The following USH2A variants were observed in gnomAD, a reference collection of about 807,000 sequenced individuals.
USH2A encodes Usher syndrome 2A (autosomal recessive, mild).
A neutral mutation model predicts 538.9 loss-of-function variants in USH2A; 443 were observed. The observed-to-expected ratio is 0.82, with a 90% CI of 0.76 to 0.89. The LOEUF (loss-of-function observed/expected upper bound fraction) is 0.89, where lower values mean the gene tolerates loss of function less well. USH2A is among the 40% of genes least tolerant of loss of function. The pLI is 0.00. For synonymous variants in USH2A, 2,413 were observed against 2,273.5 expected (o/e 1.06, Z -1.75); for missense variants, 6,633 against 6,324.8 (o/e 1.05, Z -1.65).
At chr1:216,333,538 T>A (rs2037910090) in intron 4 of USH2A, among the ~76,000 whole-genome samples, 1 of 152,064 alleles carries the variant, frequency 6.6e-6, no homozygotes, top group Admixed American at 6.6e-5. Flanking sequence ...ACTGAAAGAA[T>A]ATTTAGAGAA....
rs79658342 is a variant in USH2A at position 215,685,806 on chromosome 1, C to G, written c.12067-5430G>C. Among the ~76,000 whole-genome samples, 766 of 152,292 alleles carry G rather than the reference C, an allele frequency of 5.0e-3. 8 individuals carry two copies. The highest frequency in any genetic ancestry group is 0.018 in the African/African-American group (729 of 41,580). The stretch of plus-strand genomic sequence containing the variant: ...AACATTGTCAGAACATTTTCACCAA[C>G]TTCACCTGCACACTTCCTTTACCAG... On this transcript the variant is annotated intron_variant, in intron 61 of 71. Coordinates refer to ENST00000307340, the MANE Select transcript of USH2A (RefSeq NM_206933.4).
chr1:216,033,859 A>T (rs907316103), intron 32 of USH2A, among the ~76,000 whole-genome samples: 13 of 152,156 alleles, frequency 8.5e-5, no homozygotes, highest in Admixed American at 5.2e-4. Context: ...ACAGCAAAAA[A>T]GTTTGGATGT....
intron 21 of USH2A, among the ~76,000 whole-genome samples, chr1:216,098,856 T>A (rs2032510619): frequency 6.6e-6 from 1 of 152,178 alleles, no homozygotes; most frequent in Non-Finnish European, 1.5e-5. Context: ...CAGCTTGTTT[T>A]TAGAGAATAT....
chr1:215,878,646 G>A, intron 42 of USH2A, 118 bp downstream of exon 42: 1 of 957,824 alleles, frequency 1.0e-6, no homozygotes, highest in Middle Eastern at 3.1e-4. Flanking sequence ...TGAGTCAGGG[G>A]ATATTCAATG....
At chr1:216,290,092 A>C (rs749165443) in intron 10 of USH2A, among the ~76,000 whole-genome samples, 1 of 152,168 alleles carries the variant, frequency 6.6e-6, no homozygotes. Context: ...GTAATAAAAA[A>C]CCTAAACTAC....
chr1:215,728,202 G>A lies in USH2A; in HGVS notation c.11894C>T (p.Pro3965Leu), dbSNP rs141866275. Residue 3965 changes from proline to leucine, a missense_variant, in exon 61 of 72, where the codon CCT becomes CTT. Pro to Leu is a moderately conservative substitution (Grantham distance 98). Transcript: ENST00000307340. ...AGCCCAAGGAGCTGGAAAATCTTGA[G>A]GTGGAGCTTCCAGAGTTTGTGTTAA... is the stretch of plus-strand genomic sequence containing the variant. ...WSLTQTLEAP[P>L]QDFPAPWAQA... 1.9e-6 allele frequency: 3 copies of A among 1,614,160 alleles called. No homozygotes were observed. The African/African-American group carries it at 4.0e-5, about 22-fold the overall frequency.
At chr1:215,803,805 A>T (rs1367865488) in intron 49 of USH2A, among the ~76,000 whole-genome samples, 1 of 152,188 alleles carries the variant, frequency 6.6e-6, no homozygotes, top group Non-Finnish European at 1.5e-5. Flanking sequence ...TATGGACCCA[A>T]AAAAGAGCCC....
rs1312393086 is a variant in USH2A at position 215,867,042 on chromosome 1, T to C, written c.8810A>G (p.Asn2937Ser). 6.2e-7 allele frequency: 1 copy of C among 1,614,044 alleles called. No homozygotes were observed. The highest frequency in any genetic ancestry group is 1.7e-5 in the Admixed American group (1 of 59,998). ...CCACCTCACGTCGATGGCTGTGTGGTTAAGGACACTCGCAGTGAGATTGGC... is the reference window on the plus strand; with the variant it reads ...CCACCTCACGTCGATGGCTGTGTGGCTAAGGACACTCGCAGTGAGATTGGC... The part of the protein sequence containing the change: ...RGANLTASVL[N>S]HTAIDVRWAK... Residue 2937 changes from asparagine (N) to serine (S), a missense_variant, in exon 44 of 72, where the codon AAC (asparagine) becomes AGC (serine). Asn to Ser is a conservative substitution (Grantham distance 46, BLOSUM62 1). Coordinates refer to ENST00000307340, the MANE Select transcript of USH2A (RefSeq NM_206933.4).
chr1:215,746,857 T>C (rs1450988196), intron 58 of USH2A, among the ~76,000 whole-genome samples: 1 of 152,154 alleles, frequency 6.6e-6, no homozygotes, highest in Non-Finnish European at 1.5e-5. Flanking sequence ...TTTTGGAGTA[T>C]CACTTTGATA....
intron 63 of USH2A, 85 bp downstream of exon 63, chr1:215,674,015 G>A: frequency 1.9e-6 from 3 of 1,611,540 alleles, no homozygotes; most frequent in Non-Finnish European, 2.5e-6. Flanking sequence ...CATTTTTAGA[G>A]TCTTCATTAG....
At chr1:216,001,183 CTG>C (rs1668258058) in intron 32 of USH2A, among the ~76,000 whole-genome samples, 2 of 152,268 alleles carry the variant, frequency 1.3e-5, no homozygotes, top group South Asian at 4.1e-4. Flanking sequence ...CTTAAAAACA[CTG>C]TGTCATGACT....
At chr1:215,924,367 G>T (rs1166601140) in intron 38 of USH2A, among the ~76,000 whole-genome samples, 1 of 152,028 alleles carries the variant, frequency 6.6e-6, no homozygotes, top group East Asian at 1.9e-4. Context: ...AAAGAGGTTG[G>T]AAATATGGTC....
intron 4 of USH2A, among the ~76,000 whole-genome samples, chr1:216,344,053 A>AT (rs2038128550): frequency 6.6e-6 from 1 of 152,174 alleles, no homozygotes; most frequent in Admixed American, 6.6e-5. Context: ...GTGAGAAAGA[A>AT]TTTTTTAAGA....
At chr1:216,317,810 G>A (rs1416391721) in intron 9 of USH2A, among the ~76,000 whole-genome samples, 1 of 152,058 alleles carries the variant, frequency 6.6e-6, no homozygotes, top group Non-Finnish European at 1.5e-5. Context: ...CCAAGATCAT[G>A]CCACTGCACT....
chr1:215,716,602 C>T (rs895937317), intron 61 of USH2A, among the ~76,000 whole-genome samples: 4 of 152,094 alleles, frequency 2.6e-5, no homozygotes, highest in African/African-American at 9.7e-5. Context: ...CATGTACATC[C>T]GTTAAAAATA....
At chr1:215,936,486 T>C (rs1219648365) in intron 37 of USH2A, among the ~76,000 whole-genome samples, 2 of 152,098 alleles carry the variant, frequency 1.3e-5, no homozygotes, top group East Asian at 3.9e-4. Context: ...GTCTGGTTCT[T>C]CATCTGTGAA....
Position 215,877,740 on chromosome 1 carries a change from T to C in USH2A, c.8681+18A>G, listed in dbSNP as rs41277198. The C allele has an allele frequency of 0.018, 29,129 of 1,613,270 alleles. 332 individuals are homozygous for C. Among genetic ancestry groups the C allele is most frequent in the Non-Finnish European group, 0.021 (24,824 of 1,179,376 alleles). On this transcript the variant is annotated intron_variant, in intron 43 of 71. Transcript: ENST00000307340. ...AACTAAATGCCAGCATTTGTTTTTATAGTTTTTGTAATCTCACCTGCTAAG... is the reference window on the plus strand; with the variant it reads ...AACTAAATGCCAGCATTTGTTTTTACAGTTTTTGTAATCTCACCTGCTAAG...
At position 215,849,805 on chromosome 1, in the gene USH2A, C is replaced by A. The variant is rs193045610; in HGVS notation, c.8846-3772G>T. 7.9e-5 allele frequency among the ~76,000 whole-genome samples: 12 copies of A among 152,214 alleles called. No individual in the cohort carries two copies. The East Asian group carries it at 2.3e-3, about 29-fold the overall frequency. Reference sequence around the variant, plus strand: ...ATGTTGAAAGACAATGGAACAATTTCAACAAGTTTTGAGGGGAAATAGTTT... The same window carrying A: ...ATGTTGAAAGACAATGGAACAATTTAAACAAGTTTTGAGGGGAAATAGTTT... On this transcript the variant is annotated intron_variant, in intron 44 of 71. Transcript: ENST00000307340.
At chr1:215,793,374 GA>G (rs959470290) in intron 50 of USH2A, among the ~76,000 whole-genome samples, 1 of 151,368 alleles carries the variant, frequency 6.6e-6, no homozygotes, top group South Asian at 2.1e-4. Flanking sequence ...AGGCCTAGAA[GA>G]AAAAAAAGGT....
Sources: allele counts gnomAD v4.1 joint callset (sites outside exome capture counted in the v4.1 genomes callset), GRCh38; gene constraint gnomAD v4.1.1; transcripts MANE v1.5; gene names NCBI Gene and HGNC (gene_info 2026-07-23, HGNC 2026-07-21).